Variants in PLXNA2 observed in about 807,000 individuals in gnomAD.
The protein encoded by PLXNA2 is plexin-A2.
PLXNA2 carries 91 observed loss-of-function variants against 193.5 expected under a neutral mutation model. The ratio of observed to expected loss-of-function variants is 0.47; its 90% CI spans 0.40 to 0.56. The LOEUF (loss-of-function observed/expected upper bound fraction) is 0.56, where lower values mean the gene tolerates loss of function less well. Among genes scored for constraint, PLXNA2 ranks in the 20% least tolerant of loss-of-function variants. PLXNA2 has a pLI of 0.00. For synonymous variants in PLXNA2, 997 were observed against 1,027.3 expected (o/e 0.97, Z 0.56); for missense variants, 1,995 against 2,503.2 (o/e 0.80, Z 4.33).
rs529850544 is a variant in PLXNA2 at position 208,098,764 on chromosome 1, T to C, written c.1731+82A>G. 2.7e-6 allele frequency: 4 copies of C among 1,479,344 alleles called. No homozygotes were observed. In the African/African-American group the frequency reaches 4.1e-5, roughly 15 times the overall value. 91.6% of individuals were successfully genotyped at this position (1,479,344 alleles called of 1,614,324 possible). On this transcript the variant is annotated intron_variant, in intron 6 of 31. Coordinates refer to ENST00000367033, the MANE Select transcript of PLXNA2 (RefSeq NM_025179.4). ...TAAAGTCTGATCAATTTACAGATACTTGTGCAAGCGTGAATGGAGCACACC... is the reference window on the plus strand; with the variant it reads ...TAAAGTCTGATCAATTTACAGATACCTGTGCAAGCGTGAATGGAGCACACC...
chr1:208,076,054 T>C (rs1160723007), intron 12 of PLXNA2, among the ~76,000 whole-genome samples: 1 of 140,528 alleles, frequency 7.1e-6, no homozygotes, highest in Non-Finnish European at 1.5e-5. Flanking sequence ...TGAGACCCTG[T>C]CTCAAAAAAA....
At chr1:208,041,972 GCT>G in intron 22 of PLXNA2, 124 bp downstream of exon 22, 2 of 974,408 alleles carry the variant, frequency 2.1e-6, no homozygotes, top group Non-Finnish European at 3.1e-6. Context: ...GACACAGGCT[GCT>G]CTGAATGGGT....
intron 18 of PLXNA2, 34 bp downstream of exon 18, chr1:208,045,844 C>T (rs771111593): frequency 1.1e-5 from 18 of 1,610,578 alleles, no homozygotes; most frequent in South Asian, 4.4e-5. Context: ...CATTGCTGCC[C>T]CTGGTGGCAC....
At chr1:208,059,651 G>T (rs546748433) in intron 13 of PLXNA2, among the ~76,000 whole-genome samples, 1 of 152,354 alleles carries the variant, frequency 6.6e-6, no homozygotes, top group South Asian at 2.1e-4. Flanking sequence ...AGCCACTTAT[G>T]CCCTGAATGA....
intron 3 of PLXNA2, among the ~76,000 whole-genome samples, chr1:208,188,872 T>A (rs912952439): frequency 6.6e-6 from 1 of 152,162 alleles, no homozygotes; most frequent in Non-Finnish European, 1.5e-5. Flanking sequence ...AAAGATAAGA[T>A]GGCAGAGGGT....
rs886813017 is a variant in PLXNA2, at chr1:208,025,396, C to G, written c.*1847G>C. On this transcript the variant is annotated 3_prime_UTR_variant, in exon 32 of 32. Transcript: ENST00000367033. ...AGAAGCTGGAGCCCAGAGTTAATAA[C>G]AGAGAAAATGACCCTGGTCTAGTCT... 1 of 152,284 alleles carries G rather than the reference C, an allele frequency of 6.6e-6. No homozygotes were observed. Among genetic ancestry groups the G allele is most frequent in the Non-Finnish European group, 1.5e-5 (1 of 68,104 alleles). The allele number at this position is 152,284 out of a possible 1,614,324, so 9.4% of individuals were successfully genotyped here. A position where few individuals can be genotyped will look rare whatever the true frequency, so the allele number is the denominator to read the frequency against.
At chr1:208,167,963 T>C (rs1349404500) in intron 3 of PLXNA2, among the ~76,000 whole-genome samples, 1 of 152,172 alleles carries the variant, frequency 6.6e-6, no homozygotes, top group Non-Finnish European at 1.5e-5. Context: ...TTATTAATAC[T>C]GAGATGGGTG....
At chr1:208,126,723 G>A (rs188934053) in intron 4 of PLXNA2, among the ~76,000 whole-genome samples, 4 of 152,128 alleles carry the variant, frequency 2.6e-5, no homozygotes, top group African/African-American at 9.7e-5. Context: ...ATGCCATCCT[G>A]CCTCCCAACA....
At chr1:208,219,083 C>T in intron 1 of PLXNA2, among the ~76,000 whole-genome samples, 1 of 152,226 alleles carries the variant, frequency 6.6e-6, no homozygotes, top group East Asian at 1.9e-4. Context: ...CCTCAGTGGG[C>T]CATGCTCGAA....
At chr1:208,143,334 G>T (rs1358304949) in intron 3 of PLXNA2, among the ~76,000 whole-genome samples, 2 of 152,206 alleles carry the variant, frequency 1.3e-5, no homozygotes, top group African/African-American at 4.8e-5. Flanking sequence ...CTTGGTGAAT[G>T]CACTGCGAGG....
In PLXNA2 at chr1:208,031,651, C is replaced by T. The variant is rs1664507104; in HGVS notation, c.5164G>A (p.Glu1722Lys). 3 of 1,613,854 alleles carry T rather than the reference C, an allele frequency of 1.9e-6. No individual in the cohort carries two copies. Among genetic ancestry groups the T allele is most frequent in the East Asian group, 2.2e-5 (1 of 44,886 alleles). The change falls in exon 29 of 32, where the codon GAG becomes AAG. Residue 1722 changes from glutamate (E) to lysine (K), a missense_variant. Glu to Lys is a moderately conservative substitution (Grantham distance 56). Coordinates refer to ENST00000367033, the MANE Select transcript of PLXNA2 (RefSeq NM_025179.4). Reference sequence around the variant, plus strand: ...TGGATGCTGTGCCTGTCTGCCTGCTCATCTAGGAAATCAAACATGTACTTG... The same window carrying T: ...TGGATGCTGTGCCTGTCTGCCTGCTTATCTAGGAAATCAAACATGTACTTG... Reference protein sequence around the residue: ...AIKYMFDFLDEQADRHSIHDT... With the variant: ...AIKYMFDFLDKQADRHSIHDT...
intron 3 of PLXNA2, among the ~76,000 whole-genome samples, chr1:208,153,478 A>G (rs906440461): frequency 6.6e-6 from 1 of 152,192 alleles, no homozygotes; most frequent in Non-Finnish European, 1.5e-5. Context: ...AACCACCCGG[A>G]ATCTTCTGGA....
At chr1:208,059,425 C>T (rs1418944337) in intron 13 of PLXNA2, among the ~76,000 whole-genome samples, 1 of 152,226 alleles carries the variant, frequency 6.6e-6, no homozygotes, top group East Asian at 1.9e-4. Flanking sequence ...CTGTGGCTGG[C>T]AGGCATCACA....
intron 2 of PLXNA2, 97 bp from the exon 3 acceptor site, chr1:208,210,559 G>A: frequency 9.1e-7 from 1 of 1,098,734 alleles, no homozygotes; most frequent in Non-Finnish European, 1.3e-6. Flanking sequence ...TAGGACACCA[G>A]GCCTCAGAGA....
chr1:208,104,598 T>C (rs1667202112), intron 4 of PLXNA2, among the ~76,000 whole-genome samples: 1 of 152,084 alleles, frequency 6.6e-6, no homozygotes, highest in Non-Finnish European at 1.5e-5. Context: ...GACATGCCAA[T>C]CTGAAGGATT....
At chr1:208,193,537 G>A (rs1375034109) in intron 3 of PLXNA2, among the ~76,000 whole-genome samples, 2 of 152,126 alleles carry the variant, frequency 1.3e-5, no homozygotes, top group Admixed American at 6.5e-5. Flanking sequence ...ATAAAAATGG[G>A]CAATATATGT....
rs1664422556 is a variant in PLXNA2, at chr1:208,029,005, G to C, written c.5263C>G (p.Pro1755Ala). The change falls in exon 30 of 32, where the codon CCC becomes GCC. Residue 1755 changes from proline to alanine, a missense_variant. Coordinates refer to ENST00000367033, the MANE Select transcript of PLXNA2 (RefSeq NM_025179.4). Reference sequence around the variant, plus strand: ...TTGTGGATGTCAAACACGAACTGGGGGTTCTTAATCACGTTCACCCAGAAG... The same window carrying C: ...TTGTGGATGTCAAACACGAACTGGGCGTTCTTAATCACGTTCACCCAGAAG... The part of the protein sequence containing the change: ...LRFWVNVIKN[P>A]QFVFDIHKGS... 2 of 1,613,988 alleles carry C rather than the reference G, an allele frequency of 1.2e-6. No homozygotes were observed. The highest frequency in any genetic ancestry group is 1.7e-6 in the Non-Finnish European group (2 of 1,180,032).
chr1:208,181,389 T>C (rs1381571800), intron 3 of PLXNA2, among the ~76,000 whole-genome samples: 2 of 152,232 alleles, frequency 1.3e-5, no homozygotes, highest in Non-Finnish European at 2.9e-5. Flanking sequence ...CCAGAGCACA[T>C]GCTCCAAATC....
chr1:208,103,370 C>T (rs1571919174), intron 4 of PLXNA2, 123 bp from the exon 5 acceptor site: 8 of 711,676 alleles, frequency 1.1e-5, no homozygotes, highest in Admixed American at 2.9e-5. Context: ...TGATACTGGG[C>T]GGCAAGTCAT....
Sources: allele counts gnomAD v4.1 joint callset (sites outside exome capture counted in the v4.1 genomes callset), GRCh38; gene constraint gnomAD v4.1.1; transcripts MANE v1.5; gene names NCBI Gene and HGNC (gene_info 2026-07-23, HGNC 2026-07-21).